MECOM: variants seen among roughly 807,000 people sequenced by gnomAD.
MECOM encodes histone-lysine N-methyltransferase MECOM.
In MECOM, 13 loss-of-function variants were observed where a neutral mutation model predicts 116.3. The observed-to-expected ratio is 0.11, with a 90% CI of 0.07 to 0.18. The LOEUF (loss-of-function observed/expected upper bound fraction) is 0.18. MECOM is among the 10% of genes least tolerant of loss of function. MECOM has a pLI of 1.00. For missense variants in MECOM, 1,299 were observed against 1,509.0 expected (o/e 0.86, Z 2.31); for synonymous variants, 528 against 535.2 (o/e 0.99, Z 0.19).
At chr3:169,661,996 C>T in intron 1 of MECOM, among the ~76,000 whole-genome samples, 1 of 152,198 alleles carries the variant, frequency 6.6e-6, no homozygotes, top group East Asian at 1.9e-4. Flanking sequence ...CCCAGCCGCT[C>T]CGGGGCTCAG....
intron 1 of MECOM, among the ~76,000 whole-genome samples, chr3:169,594,344 A>G (rs1352679646): frequency 6.6e-6 from 1 of 151,986 alleles, no homozygotes; most frequent in Non-Finnish European, 1.5e-5. Context: ...GCATTCTTCT[A>G]ATTTTTTTTC....
chr3:169,123,416 C>A (rs1224813539), intron 5 of MECOM, among the ~76,000 whole-genome samples: 1 of 151,362 alleles, frequency 6.6e-6, no homozygotes, highest in Non-Finnish European at 1.5e-5. Flanking sequence ...ACATTTAAGT[C>A]CCCTAAAAGA....
At chr3:169,204,934 G>A (rs1167141162) in intron 2 of MECOM, among the ~76,000 whole-genome samples, 1 of 152,178 alleles carries the variant, frequency 6.6e-6, no homozygotes, top group African/African-American at 2.4e-5. Flanking sequence ...AGTACAAGAT[G>A]TACAGTTCAG....
rs1181201537 is a variant in MECOM, at chr3:169,116,467, A to G, written c.1405T>C (p.Tyr469His). ...MSHANPGLADYFGANRHPAGL... is the reference protein window; with the variant it reads ...MSHANPGLADHFGANRHPAGL... ...GCAGGATGCCTATTGGCGCCAAAAT[A>G]GTCAGCAAGGCCCGGGTTGGCATGA... Residue 469 changes from tyrosine (Y) to histidine (H), a missense_variant, in exon 8 of 17, where the codon TAT (tyrosine) becomes CAT (histidine). By Grantham distance (83) the Tyr-to-His change is moderately conservative. Coordinates refer to ENST00000651503, the MANE Select transcript of MECOM (RefSeq NM_004991.4). 1.2e-6 allele frequency: 2 copies of G among 1,614,080 alleles called. No individual in the cohort carries two copies. Among genetic ancestry groups the G allele is most frequent in the South Asian group, 1.1e-5 (1 of 91,092 alleles).
intron 1 of MECOM, among the ~76,000 whole-genome samples, chr3:169,578,194 T>C (rs992087974): frequency 6.6e-6 from 1 of 152,188 alleles, no homozygotes; most frequent in African/African-American, 2.4e-5. Flanking sequence ...ATGTGTGATA[T>C]GGACTTGAAA....
chr3:169,531,890 T>C (rs1392559732), intron 1 of MECOM, among the ~76,000 whole-genome samples: 2 of 152,310 alleles, frequency 1.3e-5, no homozygotes, highest in South Asian at 2.1e-4. Flanking sequence ...CTGGTCATCA[T>C]GGTATAGGAG....
intron 2 of MECOM, among the ~76,000 whole-genome samples, chr3:169,221,204 A>G (rs2149496937): frequency 6.6e-6 from 1 of 152,316 alleles, no homozygotes; most frequent in South Asian, 2.1e-4. Context: ...ATTTAGCATC[A>G]TTTTTGAAAC....
chr3:169,445,432 T>C (rs1297969952), intron 1 of MECOM, among the ~76,000 whole-genome samples: 4 of 152,188 alleles, frequency 2.6e-5, no homozygotes, highest in African/African-American at 9.6e-5. Flanking sequence ...CCAAGTGGCA[T>C]TGAGCCTGTG....
intron 1 of MECOM, chr3:169,484,065 T>A: frequency 1.9e-6 from 2 of 1,025,856 alleles, no homozygotes; most frequent in Non-Finnish European, 3.0e-6. Context: ...AACCTATAGC[T>A]ACCAGGCATT....
chr3:169,339,126 C>G (rs1288039406), intron 2 of MECOM, among the ~76,000 whole-genome samples: 1 of 152,128 alleles, frequency 6.6e-6, no homozygotes, highest in Non-Finnish European at 1.5e-5. Context: ...ATGCCTAAAA[C>G]ACAGTACGCA....
intron 11 of MECOM, among the ~76,000 whole-genome samples, chr3:169,101,251 A>G (rs1415796850): frequency 1.3e-5 from 2 of 152,230 alleles, no homozygotes; most frequent in African/African-American, 4.8e-5. Context: ...TTATTAACTC[A>G]ATATTTTTAC....
At chr3:169,483,196 A>T (rs879113832) in intron 1 of MECOM, among the ~76,000 whole-genome samples, 96 of 104,744 alleles carry the variant, frequency 9.2e-4, no homozygotes, top group Middle Eastern at 4.7e-3. Flanking sequence ...TTTTATTTTT[A>T]TTTTTATTTT....
intron 1 of MECOM, among the ~76,000 whole-genome samples, chr3:169,650,502 G>A (rs1476405944): frequency 6.6e-6 from 1 of 152,104 alleles, no homozygotes; most frequent in Non-Finnish European, 1.5e-5. Context: ...CCTGTTCCAA[G>A]CAGCAGGAAG....
chr3:169,447,497 C>T (rs1314098859), intron 1 of MECOM, among the ~76,000 whole-genome samples: 1 of 152,106 alleles, frequency 6.6e-6, no homozygotes, highest in African/African-American at 2.4e-5. Context: ...CAGAATCATA[C>T]CTTTCTCATT....
At chr3:169,525,946 T>A (rs1247742264) in intron 1 of MECOM, among the ~76,000 whole-genome samples, 1 of 151,902 alleles carries the variant, frequency 6.6e-6, no homozygotes, top group African/African-American at 2.4e-5. Context: ...GGAGAATCGC[T>A]TGAACCCAGG....
intron 2 of MECOM, among the ~76,000 whole-genome samples, chr3:169,219,334 G>A (rs1165941257): frequency 2.6e-5 from 4 of 151,984 alleles, no homozygotes; most frequent in South Asian, 2.1e-4. Context: ...GTGAAACCGC[G>A]TATCCACTAA....
At chr3:169,614,161 A>T (rs1326622522) in intron 1 of MECOM, among the ~76,000 whole-genome samples, 1 of 141,656 alleles carries the variant, frequency 7.1e-6, no homozygotes, top group Non-Finnish European at 1.5e-5. Context: ...TCTCTTTCCC[A>T]CACACACAAA....
intron 1 of MECOM, among the ~76,000 whole-genome samples, chr3:169,479,955 C>G (rs893442105): frequency 6.6e-6 from 1 of 152,148 alleles, no homozygotes; most frequent in South Asian, 2.1e-4. Context: ...AGTAAATTGT[C>G]CAATATCAGA....
At chr3:169,162,392 C>T (rs573155405) in intron 2 of MECOM, among the ~76,000 whole-genome samples, 6 of 152,254 alleles carry the variant, frequency 3.9e-5, no homozygotes, top group African/African-American at 1.2e-4. Flanking sequence ...GCAAATAGTA[C>T]AAGACTGTAC....
Sources: allele counts gnomAD v4.1 joint callset (sites outside exome capture counted in the v4.1 genomes callset), GRCh38; gene constraint gnomAD v4.1.1; transcripts MANE v1.5; gene names NCBI Gene and HGNC (gene_info 2026-07-23, HGNC 2026-07-21).